The following ZNF483 variants were observed in gnomAD, a reference collection of about 807,000 sequenced individuals.
The protein encoded by ZNF483 is zinc finger protein HIT-10.
ZNF483 carries 9 observed loss-of-function variants against 28.6 expected under a neutral mutation model. The observed-to-expected ratio is 0.32, with a 90% confidence interval of 0.19 to 0.55. ZNF483 has a LOEUF of 0.55. ZNF483 is among the 20% of genes least tolerant of loss of function. The pLI is 0.93. For synonymous variants in ZNF483, 322 were observed against 306.2 expected, an observed-to-expected ratio of 1.05 and a Z score of -0.54; for missense variants, 675 against 871.7, an observed-to-expected ratio of 0.77 and a Z score of 2.84.
At chr9:111,527,246 C>T (rs1388708364) in intron 1 of ZNF483, 22 bp from the exon 2 acceptor site, 1 of 757,846 alleles carries the variant, frequency 1.3e-6, no homozygotes, top group Non-Finnish European at 2.0e-6. Context: ...TTATTTAATG[C>T]CTTAATATTT....
In ZNF483 at chr9:111,553,312, T is replaced by A. The variant is rs1392342041; in HGVS notation, c.*10142T>A. 1.3e-5 allele frequency among the ~76,000 whole-genome samples: 2 copies of A among 152,226 alleles called. No individual in the cohort carries two copies. Among genetic ancestry groups the A allele is most frequent in the Non-Finnish European group, 2.9e-5 (2 of 68,034 alleles). On this transcript the variant is annotated 3_prime_UTR_variant, in exon 6 of 6. Coordinates refer to ENST00000309235, the MANE Select transcript of ZNF483 (RefSeq NM_133464.5). ...GACTATGCCAGTTGTAGTACCAGCT[T>A]CTGTATCTGCACTGAATTCTGCCTC...
chr9:111,526,497 C>A (rs945930780), intron 1 of ZNF483, among the ~76,000 whole-genome samples: 13 of 152,124 alleles, frequency 8.5e-5, no homozygotes, highest in African/African-American at 3.1e-4. Flanking sequence ...GTGAAGAACC[C>A]TGTACTTAGG....
chr9:111,557,914 C>T (rs966393226), downstream of ZNF483, among the ~76,000 whole-genome samples: 7 of 151,818 alleles, frequency 4.6e-5, no homozygotes, highest in African/African-American at 1.7e-4. Context: ...TTTGGGAGGC[C>T]AAGGCAGGCA....
chr9:111,535,264 T>G (rs1488271253), intron 5 of ZNF483, among the ~76,000 whole-genome samples: 1 of 152,226 alleles, frequency 6.6e-6, no homozygotes, highest in East Asian at 1.9e-4. Context: ...TTATGGACAC[T>G]AGAGGACGTA....
At chr9:111,535,965 C>T (rs1316542324) in intron 5 of ZNF483, among the ~76,000 whole-genome samples, 1 of 149,472 alleles carries the variant, frequency 6.7e-6, no homozygotes, top group African/African-American at 2.5e-5. Flanking sequence ...TGGCTCACTG[C>T]AACCTCTGCC....
intron 5 of ZNF483, among the ~76,000 whole-genome samples, chr9:111,567,115 G>C (rs1030470454): frequency 6.6e-6 from 1 of 151,654 alleles, no homozygotes; most frequent in Non-Finnish European, 1.5e-5. Flanking sequence ...GGGGGGCGTG[G>C]GATATGGAGG....
chr9:111,555,471 A>G (rs67208403), downstream of ZNF483, among the ~76,000 whole-genome samples: 51,229 of 151,962 alleles, frequency 0.34, 9,416 homozygotes, highest in Non-Finnish European at 0.42. Context: ...TTTTTCCTCT[A>G]AACAATATGT....
At chr9:111,534,954 A>T (rs1827449789) in intron 5 of ZNF483, among the ~76,000 whole-genome samples, 1 of 151,822 alleles carries the variant, frequency 6.6e-6, no homozygotes, top group Non-Finnish European at 1.5e-5. Flanking sequence ...TGAACTCCTG[A>T]CCTCGTGATC....
At chr9:111,567,648 C>T (rs192556474) in intron 5 of ZNF483, among the ~76,000 whole-genome samples, 1 of 152,152 alleles carries the variant, frequency 6.6e-6, no homozygotes, top group Non-Finnish European at 1.5e-5. Flanking sequence ...TGAATATTAG[C>T]ACTTTGGTTT....
intron 2 of ZNF483, among the ~76,000 whole-genome samples, chr9:111,529,377 C>T (rs1043314323): frequency 1.3e-5 from 2 of 152,136 alleles, no homozygotes; most frequent in Non-Finnish European, 2.9e-5. Context: ...TTTACTGCTC[C>T]TTGTGGAGCA....
downstream of ZNF483, among the ~76,000 whole-genome samples, chr9:111,559,607 CACAT>C (rs1345347233): frequency 6.6e-6 from 1 of 151,572 alleles, no homozygotes; most frequent in African/African-American, 2.4e-5. Context: ...CTCACACACA[CACAT>C]ATACAACATA....
intron 5 of ZNF483, among the ~76,000 whole-genome samples, chr9:111,536,846 T>C (rs1369718257): frequency 6.6e-6 from 1 of 152,190 alleles, no homozygotes; most frequent in Non-Finnish European, 1.5e-5. Context: ...TTTTATACTG[T>C]ATTCTAGTAA....
At chr9:111,559,200 T>C (rs1031668818), downstream of ZNF483, among the ~76,000 whole-genome samples, 1 of 152,078 alleles carries the variant, frequency 6.6e-6, no homozygotes, top group Non-Finnish European at 1.5e-5. Flanking sequence ...TCGCACGTGA[T>C]ACCCTCCTAC....
chr9:111,542,875 A>C lies in ZNF483; in HGVS notation c.1940A>C (p.His647Pro). The change falls in exon 6 of 6, where the codon CAT becomes CCT. Residue 647 changes from histidine to proline, a missense_variant. By Grantham distance (77) the His-to-Pro change is moderately conservative. This residue lies in a region of ZNF483 where 47 missense variants were observed against 93.5 expected (regional missense o/e 0.50). Transcript: ENST00000309235. The surrounding 1 kb of genome is among the most constrained non-coding windows in gnomAD (Gnocchi z 6.2). The stretch of plus-strand genomic sequence containing the variant: ...CAGTGTGAGAAAGCCTTCCCAACCC[A>C]TTCACTGCTAAGTCGTCATCAGAGA... ...CNQCEKAFPTHSLLSRHQRIH... is the reference protein window; with the variant it reads ...CNQCEKAFPTPSLLSRHQRIH... 6.2e-7 allele frequency: 1 copy of C among 1,614,106 alleles called. No homozygotes were observed. Among genetic ancestry groups the C allele is most frequent in the Non-Finnish European group, 8.5e-7 (1 of 1,180,008 alleles).
intron 5 of ZNF483, among the ~76,000 whole-genome samples, chr9:111,570,579 G>A (rs969115231): frequency 1.3e-5 from 2 of 151,574 alleles, no homozygotes; most frequent in Non-Finnish European, 2.9e-5. Flanking sequence ...GACCAGCCTG[G>A]CCAACATAGT....
intron 3 of ZNF483, among the ~76,000 whole-genome samples, chr9:111,531,704 T>G (rs1030629291): frequency 6.6e-6 from 1 of 151,808 alleles, no homozygotes; most frequent in African/African-American, 2.4e-5. Context: ...AGAGATGGGG[T>G]CTTGTTCTGT....
Position 111,543,756 on chromosome 9 carries a change from A to T in ZNF483, c.*586A>T. On this transcript the variant is annotated 3_prime_UTR_variant, in exon 6 of 6. Transcript: ENST00000309235. ...ACAATACCACTATTCAGGATGCTGGACTTCTTTTCTTTTTTTTTTCTTTTT... is the reference window on the plus strand; with the variant it reads ...ACAATACCACTATTCAGGATGCTGGTCTTCTTTTCTTTTTTTTTTCTTTTT... 1 of 952,838 alleles carries T rather than the reference A, an allele frequency of 1.0e-6. No homozygotes were observed. Among genetic ancestry groups the T allele is most frequent in the Non-Finnish European group, 1.2e-6 (1 of 804,810 alleles). 59.0% of individuals were successfully genotyped at this position (952,838 alleles called of 1,614,324 possible). A position where few individuals can be genotyped will look rare whatever the true frequency, so the allele number is the denominator to read the frequency against.
At chr9:111,571,011 G>GAAGGAGTCC (rs1289104207) in intron 5 of ZNF483, among the ~76,000 whole-genome samples, 23 of 151,300 alleles carry the variant, frequency 1.5e-4, no homozygotes, top group East Asian at 1.0e-3. Context: ...AGAAATACAG[G>GAAGGAGTCC]CAGCTGCTAG....
intron 5 of ZNF483, chr9:111,564,172 C>T (rs1264544236): frequency 1.0e-5 from 10 of 982,914 alleles, no homozygotes; most frequent in Non-Finnish European, 1.3e-5. Flanking sequence ...ACAAGTTTTT[C>T]GCTAATGTAT....
Sources: gnomAD v4.1 joint callset for allele counts (sites outside exome capture counted in the v4.1 genomes callset) on GRCh38, gnomAD v4.1.1 for gene constraint, gnomAD v4.1.1 regional missense constraint, Gnocchi (gnomAD v3.1) non-coding constraint, MANE v1.5 for transcripts, NCBI Gene and HGNC (gene_info 2026-07-23, HGNC 2026-07-21) for gene names.